Variants in C2orf42 observed in about 807,000 individuals in gnomAD.
The protein encoded by C2orf42 is chromosome 2 open reading frame 42.
A neutral mutation model predicts 58.9 loss-of-function variants in C2orf42; 44 were observed. That is an observed-to-expected ratio of 0.75 (90% CI 0.59 to 0.96). The LOEUF is 0.96. C2orf42 is among the 40% of genes least tolerant of loss of function. The probability of loss-of-function intolerance (pLI) is 0.00; values close to 1 mark genes in which losing one functional copy is unlikely to be tolerated. For missense variants in C2orf42, 630 were observed against 699.2 expected, an observed-to-expected ratio of 0.90 and a Z score of 1.12; for synonymous variants, 239 against 265.4, an observed-to-expected ratio of 0.90 and a Z score of 0.97.
intron 1 of C2orf42, among the ~76,000 whole-genome samples, chr2:70,185,166 C>T (rs1002074115): frequency 4.1e-4 from 63 of 152,102 alleles, no homozygotes; most frequent in Middle Eastern, 3.4e-3. Context: ...TTTGGGAGGC[C>T]GAGGCGGGTG....
chr2:70,189,158 A>G (rs1315636272), intron 1 of C2orf42, among the ~76,000 whole-genome samples: 1 of 152,124 alleles, frequency 6.6e-6, no homozygotes, highest in Non-Finnish European at 1.5e-5. Context: ...CTGTAATCCC[A>G]GCACTTTGGG....
chr2:70,156,861 C>CAAA (rs57668419), intron 9 of C2orf42, among the ~76,000 whole-genome samples: 2 of 117,740 alleles, frequency 1.7e-5, no homozygotes, highest in African/African-American at 5.7e-5. Flanking sequence ...GACCCTATCT[C>CAAA]AAAAAAAAAA....
chr2:70,154,970 G>C (rs929571062), intron 9 of C2orf42, among the ~76,000 whole-genome samples: 2 of 152,038 alleles, frequency 1.3e-5, no homozygotes, highest in Admixed American at 6.6e-5. Context: ...AAGGAGGCCG[G>C]GCATGGTGGC....
intron 9 of C2orf42, among the ~76,000 whole-genome samples, chr2:70,153,315 G>C (rs951682632): frequency 1.3e-5 from 2 of 151,932 alleles, no homozygotes; most frequent in Middle Eastern, 3.4e-3. Flanking sequence ...CATCATGCAG[G>C]AGTGGTCCCA....
intron 5 of C2orf42, among the ~76,000 whole-genome samples, chr2:70,173,111 C>A (rs1673940558): frequency 6.6e-6 from 1 of 151,902 alleles, no homozygotes; most frequent in Non-Finnish European, 1.5e-5. Flanking sequence ...GAGCTGAGAT[C>A]ACGCCATTGC....
At chr2:70,151,230 T>C (rs902064829) in intron 9 of C2orf42, among the ~76,000 whole-genome samples, 5 of 152,050 alleles carry the variant, frequency 3.3e-5, no homozygotes, top group Admixed American at 6.6e-5. Context: ...GTGCCCATAG[T>C]CCCAACTACT....
At chr2:70,158,416 TC>T (rs1466252210) in intron 9 of C2orf42, among the ~76,000 whole-genome samples, 3 of 150,630 alleles carry the variant, frequency 2.0e-5, no homozygotes, top group African/African-American at 7.4e-5. Flanking sequence ...AATTGCATAT[TC>T]CTTTTATTAT....
intron 1 of C2orf42, among the ~76,000 whole-genome samples, chr2:70,189,982 T>C (rs1001556965): frequency 6.6e-6 from 1 of 151,862 alleles, no homozygotes; most frequent in Non-Finnish European, 1.5e-5. Context: ...TGTATCTATC[T>C]AGACACACAC....
At chr2:70,165,226 C>T in intron 7 of C2orf42, 34 bp from the exon 8 acceptor site, 2 of 1,158,652 alleles carry the variant, frequency 1.7e-6, no homozygotes, top group Non-Finnish European at 2.6e-6. Context: ...ATTAGATTAC[C>T]AAAAAATAAC....
At chr2:70,189,168 G>T (rs1675150513) in intron 1 of C2orf42, among the ~76,000 whole-genome samples, 3 of 151,954 alleles carry the variant, frequency 2.0e-5, no homozygotes, top group Non-Finnish European at 4.4e-5. Context: ...AGCACTTTGG[G>T]AGGCGAGGCA....
chr2:70,165,570 A>T lies in C2orf42; in HGVS notation c.1210T>A (p.Ser404Thr), dbSNP rs1302609675. 1 of 1,612,692 alleles carries T rather than the reference A, an allele frequency of 6.2e-7. No homozygotes were observed. The highest frequency in any genetic ancestry group is 2.2e-5 in the East Asian group (1 of 44,878). Residue 404 changes from serine to threonine, a missense_variant, in exon 7 of 10, where the codon TCT becomes ACT. By Grantham distance (58) the Ser-to-Thr change is moderately conservative. Coordinates refer to ENST00000264434, the MANE Select transcript of C2orf42 (RefSeq NM_017880.3). ...AGCCGTTTTTTTGCACTTCCTATAG[A>T]TATTCTTTGTTGCAGGGCATCAAAA... ...SFFDALQQRI[S>T]IGSAKKRLPN...
At position 70,150,540 on chromosome 2, in the gene C2orf42, T is replaced by A. The variant is rs764851139; in HGVS notation, c.1541A>T (p.Glu514Val). The A allele has an allele frequency of 8.1e-6, 13 of 1,613,444 alleles. No individual in the cohort carries two copies. The highest frequency in any genetic ancestry group is 1.1e-5 in the Non-Finnish European group (13 of 1,179,514). The change falls in exon 10 of 10, where the codon GAG becomes GTG. Residue 514 changes from glutamate to valine, a missense_variant. Glu to Val is a moderately radical substitution (Grantham distance 121). Coordinates refer to ENST00000264434, the MANE Select transcript of C2orf42 (RefSeq NM_017880.3). ...KVGNTSPDQK[E>V]PTPFIIEWIP... ...CCACTCGATGATGAAAGGTGTTGGC[T>A]CCTTTTGATCTGGGGAAGTGTTGCC...
intron 4 of C2orf42, among the ~76,000 whole-genome samples, chr2:70,179,318 C>A (rs866488213): frequency 1.3e-5 from 2 of 152,092 alleles, no homozygotes; most frequent in Middle Eastern, 6.8e-3. Flanking sequence ...CCTATAATTC[C>A]AGCACTCTGG....
In C2orf42 at chr2:70,181,156, C is replaced by A. The variant is rs750941568; in HGVS notation, c.823+7G>T. 1 of 1,515,228 alleles carries A rather than the reference C, an allele frequency of 6.6e-7. No homozygotes were observed. The highest frequency in any genetic ancestry group is 1.2e-5 in the South Asian group (1 of 80,384). The allele number at this position is 1,515,228 out of a possible 1,614,324, so 93.9% of individuals were successfully genotyped here. On this transcript the variant is annotated splice_region_variant and intron_variant, in intron 3 of 9. Transcript: ENST00000264434. ...AACGTAATAACCACATCAACCATACCACCTACCGCTGGAATCAAAATTTAG... is the reference window on the plus strand; with the variant it reads ...AACGTAATAACCACATCAACCATACAACCTACCGCTGGAATCAAAATTTAG...
At chr2:70,185,804 T>C (rs1674896931) in intron 1 of C2orf42, among the ~76,000 whole-genome samples, 1 of 151,138 alleles carries the variant, frequency 6.6e-6, no homozygotes, top group Non-Finnish European at 1.5e-5. Flanking sequence ...CACATATATA[T>C]ATATATTTTA....
In C2orf42 at chr2:70,162,200, G is replaced by A. The variant is rs7579929; in HGVS notation, c.1354-1413C>T. ...CTAATTTTTGTATTCTAGTAGAGAC[G>A]GGTTTTCACCATGTTGGCGAAGCTG... On this transcript the variant is annotated intron_variant, in intron 8 of 9. Coordinates refer to ENST00000264434, the MANE Select transcript of C2orf42 (RefSeq NM_017880.3). Among the ~76,000 whole-genome samples the A allele has an allele frequency of 4.0e-5, 6 of 151,832 alleles. No individual in the cohort carries two copies. In the East Asian group the frequency reaches 7.9e-4, roughly 20 times the overall value.
At chr2:70,167,847 T>C (rs1441169388) in intron 6 of C2orf42, among the ~76,000 whole-genome samples, 1 of 151,874 alleles carries the variant, frequency 6.6e-6, no homozygotes, top group South Asian at 2.1e-4. Context: ...GATGGTAAGA[T>C]GGAATAGAGG....
At chr2:70,163,207 C>T (rs1209748315) in intron 8 of C2orf42, among the ~76,000 whole-genome samples, 1 of 151,372 alleles carries the variant, frequency 6.6e-6, no homozygotes, top group African/African-American at 2.4e-5. Flanking sequence ...GGAAAAAAAA[C>T]TCCATCTCAG....
chr2:70,185,033 T>G (rs889402754), intron 1 of C2orf42, among the ~76,000 whole-genome samples: 7 of 151,156 alleles, frequency 4.6e-5, no homozygotes, highest in Non-Finnish European at 2.9e-5. Context: ...GAGCTTGCAG[T>G]GAACCGAGAT....
Sources: allele counts gnomAD v4.1 joint callset (sites outside exome capture counted in the v4.1 genomes callset), GRCh38; gene constraint gnomAD v4.1.1; transcripts MANE v1.5; gene names NCBI Gene and HGNC (gene_info 2026-07-23, HGNC 2026-07-21).